Variants in CATSPERB observed in about 807,000 individuals in gnomAD.
CATSPERB encodes the protein catsper channel auxiliary subunit beta.
A neutral mutation model predicts 128.3 loss-of-function variants in CATSPERB; 93 were observed. That is an observed-to-expected ratio of 0.72 (90% confidence interval 0.61 to 0.86). The LOEUF is 0.86. CATSPERB is among the 40% of genes least tolerant of loss of function. The pLI is 0.00. For missense variants in CATSPERB, 1,153 were observed against 1,329.5 expected, an observed-to-expected ratio of 0.87 and a Z score of 2.06; for synonymous variants, 381 against 448.8, an observed-to-expected ratio of 0.85 and a Z score of 1.91.
intron 7 of CATSPERB, among the ~76,000 whole-genome samples, chr14:91,695,890 A>G (rs61988225): frequency 0.18 from 27,474 of 152,242 alleles, 3,259 homozygotes; most frequent in South Asian, 0.43. Flanking sequence ...AGACAGCACA[A>G]TCGGGGAATG....
chr14:91,614,533 C>A (rs532583393), intron 20 of CATSPERB, among the ~76,000 whole-genome samples: 1 of 152,160 alleles, frequency 6.6e-6, no homozygotes, highest in Admixed American at 6.5e-5. Context: ...AATGGTGGGC[C>A]TTTAGTCCCA....
chr14:91,582,413 T>C (rs1226616670), intron 26 of CATSPERB, among the ~76,000 whole-genome samples: 1 of 152,148 alleles, frequency 6.6e-6, no homozygotes, highest in Non-Finnish European at 1.5e-5. Context: ...ACTTTATGCT[T>C]TTGATTGTGA....
At chr14:91,714,277 C>CAAAAAAAAAAAAAAAAAA (rs35951126) in intron 5 of CATSPERB, among the ~76,000 whole-genome samples, 8 of 111,264 alleles carry the variant, frequency 7.2e-5, no homozygotes, top group Non-Finnish European at 7.3e-5. Context: ...TACAATAAGG[C>CAAAAAAAAAAAAAAAAAA]AAAAAAAAAA....
chr14:91,674,783 T>G (rs1895160943), intron 11 of CATSPERB, among the ~76,000 whole-genome samples: 1 of 152,188 alleles, frequency 6.6e-6, no homozygotes, highest in African/African-American at 2.4e-5. Flanking sequence ...TCAAGGAGGT[T>G]AGTCTACAAC....
intron 17 of CATSPERB, among the ~76,000 whole-genome samples, chr14:91,627,488 G>A (rs1894186943): frequency 6.6e-6 from 1 of 152,182 alleles, no homozygotes; most frequent in African/African-American, 2.4e-5. Context: ...GCAGTGATGA[G>A]TAGCTAAAAA....
chr14:91,712,618 A>T (rs1344599787), intron 5 of CATSPERB, among the ~76,000 whole-genome samples: 1 of 152,214 alleles, frequency 6.6e-6, no homozygotes, highest in East Asian at 1.9e-4. Flanking sequence ...TGTTTGTATG[A>T]TTATCGTATA....
chr14:91,673,828 A>T (rs1986330), intron 12 of CATSPERB, among the ~76,000 whole-genome samples: 45,770 of 151,444 alleles, frequency 0.3, 7,739 homozygotes, highest in Admixed American at 0.49. Context: ...GGTTGCAGTG[A>T]GCCAAGATCA....
chr14:91,595,426 C>G (rs1163226554), intron 22 of CATSPERB, among the ~76,000 whole-genome samples: 1 of 152,042 alleles, frequency 6.6e-6, no homozygotes, highest in East Asian at 1.9e-4. Flanking sequence ...CTCGGCCTCC[C>G]AAGGTGCTGG....
At position 91,593,091 on chromosome 14, in the gene CATSPERB, C is replaced by T. The variant is rs1893439926; in HGVS notation, c.2710-1089G>A. Among the ~76,000 whole-genome samples the T allele has an allele frequency of 5.3e-5, 8 of 152,350 alleles. No homozygotes were observed. The South Asian group carries it at 1.4e-3, about 28-fold the overall frequency. On this transcript the variant is annotated intron_variant, in intron 22 of 26. Coordinates refer to ENST00000256343, the MANE Select transcript of CATSPERB (RefSeq NM_024764.4). ...CCTGTGGGTGCACAGAAGTCAAGAA[C>T]TGAGGTTTGGGAACCTCTGCCTAGA...
At chr14:91,621,361 C>T (rs1389181069) in intron 19 of CATSPERB, among the ~76,000 whole-genome samples, 1 of 152,124 alleles carries the variant, frequency 6.6e-6, no homozygotes, top group Non-Finnish European at 1.5e-5. Context: ...GACTGTGCCA[C>T]TGTACTCCAG....
At chr14:91,666,676 G>A (rs113952699) in intron 14 of CATSPERB, among the ~76,000 whole-genome samples, 152 of 152,262 alleles carry the variant, frequency 1.0e-3, no homozygotes, top group African/African-American at 3.6e-3. Flanking sequence ...AATAATACAA[G>A]GATCCCACTG....
chr14:91,726,136 T>G (rs1247753071), intron 2 of CATSPERB, among the ~76,000 whole-genome samples: 1 of 152,152 alleles, frequency 6.6e-6, no homozygotes, highest in African/African-American at 2.4e-5. Context: ...CATTCATCCT[T>G]CAAGTCCATG....
chr14:91,708,127 C>G lies in CATSPERB; in HGVS notation c.466+14G>C. The G allele has an allele frequency of 6.4e-7, 1 of 1,561,278 alleles. No individual in the cohort carries two copies. Among genetic ancestry groups the G allele is most frequent in the Non-Finnish European group, 8.8e-7 (1 of 1,133,178 alleles). On this transcript the variant is annotated intron_variant, in intron 6 of 26. Transcript: ENST00000256343. ...TATATGAATTCCATTTTACTTCTGTCTGTTGGCATTTACCTCGAATAACAT... is the reference window on the plus strand; with the variant it reads ...TATATGAATTCCATTTTACTTCTGTGTGTTGGCATTTACCTCGAATAACAT...
intron 16 of CATSPERB, 105 bp downstream of exon 16, chr14:91,638,991 T>C: frequency 9.9e-7 from 1 of 1,013,004 alleles, no homozygotes; most frequent in South Asian, 1.7e-5. Flanking sequence ...CATTAATGAG[T>C]TTGTCCCAAG....
At chr14:91,598,702 C>A (rs1893553639) in intron 22 of CATSPERB, among the ~76,000 whole-genome samples, 1 of 151,782 alleles carries the variant, frequency 6.6e-6, no homozygotes, top group East Asian at 1.9e-4. Context: ...ACTAAAAATA[C>A]AAAAAATTAG....
intron 11 of CATSPERB, among the ~76,000 whole-genome samples, chr14:91,681,200 T>C (rs1013279614): frequency 1.3e-5 from 2 of 152,194 alleles, no homozygotes; most frequent in African/African-American, 4.8e-5. Context: ...CCCCTGAGCA[T>C]AATGGACAAT....
At chr14:91,667,738 C>T (rs1157888068) in intron 14 of CATSPERB, among the ~76,000 whole-genome samples, 1 of 151,998 alleles carries the variant, frequency 6.6e-6, no homozygotes, top group East Asian at 1.9e-4. Flanking sequence ...ACTAACCAGT[C>T]AGGGATAGTA....
intron 7 of CATSPERB, among the ~76,000 whole-genome samples, chr14:91,700,223 G>A (rs994808801): frequency 6.6e-6 from 1 of 152,098 alleles, no homozygotes; most frequent in African/African-American, 2.4e-5. Flanking sequence ...GAGAATGATG[G>A]TTTCCAGCTT....
intron 1 of CATSPERB, among the ~76,000 whole-genome samples, chr14:91,731,012 C>T (rs1050746810): frequency 9.2e-5 from 14 of 152,072 alleles, no homozygotes; most frequent in Admixed American, 3.9e-4. Context: ...GGTGTAAGAA[C>T]GAATTTAACA....
Sources: allele counts gnomAD v4.1 joint callset (sites outside exome capture counted in the v4.1 genomes callset), GRCh38; gene constraint gnomAD v4.1.1; transcripts MANE v1.5; gene names NCBI Gene and HGNC (gene_info 2026-07-23, HGNC 2026-07-21).